SLC44A2: variants seen among roughly 807,000 people sequenced by gnomAD.
SLC44A2 encodes the protein solute carrier family 44 member 2 (CTL2 blood group), also known as choline transporter-like protein 2.
Under a neutral mutation model 90.8 loss-of-function variants are expected in SLC44A2, and 57 were observed. That is an observed-to-expected ratio of 0.63 (90% CI 0.51 to 0.78). SLC44A2 has a LOEUF of 0.78. Ranked by LOEUF, SLC44A2 falls within the 30% of genes least tolerant of loss-of-function variation. The probability of loss-of-function intolerance (pLI) is 0.00; values close to 1 mark genes in which losing one functional copy is unlikely to be tolerated. For synonymous variants in SLC44A2, 355 were observed against 360.7 expected, an observed-to-expected ratio of 0.98 and a Z score of 0.18; for missense variants, 794 against 919.7, an observed-to-expected ratio of 0.86 and a Z score of 1.77.
intron 1 of SLC44A2, among the ~76,000 whole-genome samples, chr19:10,614,549 T>C (rs528618616): frequency 1.3e-5 from 2 of 152,264 alleles, no homozygotes; most frequent in East Asian, 1.9e-4. Context: ...TAACTGCATA[T>C]AAGTCCCCCA....
intron 10 of SLC44A2, among the ~76,000 whole-genome samples, chr19:10,632,398 T>C (rs1001530807): frequency 2.0e-5 from 3 of 151,736 alleles, no homozygotes; most frequent in Non-Finnish European, 4.4e-5. Context: ...CAGCCGGGCA[T>C]GGAGGTGCAT....
At chr19:10,634,623 G>C in intron 10 of SLC44A2, 133 bp from the exon 11 acceptor site, 1 of 1,239,180 alleles carries the variant, frequency 8.1e-7, no homozygotes, top group East Asian at 2.4e-5. Context: ...TGCACCGGGC[G>C]GTGGGAACTG....
rs114019986 is a variant in SLC44A2 at position 10,628,416 on chromosome 19, G to A, written c.245+412G>A. ...AAACAAGCAAAAATTAAGTGGACGT[G>A]GTGGGGCACACCTCTAGTCCCAGCT... On this transcript the variant is annotated intron_variant, in intron 4 of 21. Coordinates refer to ENST00000335757, the MANE Select transcript of SLC44A2 (RefSeq NM_020428.4). 2.9e-3 allele frequency among the ~76,000 whole-genome samples: 442 copies of A among 152,210 alleles called. 3 individuals carry two copies. Among genetic ancestry groups the A allele is most frequent in the African/African-American group, 9.9e-3 (413 of 41,548 alleles).
At position 10,643,065 on chromosome 19, in the gene SLC44A2, T is replaced by C. The variant is rs761692779; in HGVS notation, c.2015-214T>C. The C allele has an allele frequency of 5.7e-6, 8 of 1,393,232 alleles. No individual in the cohort carries two copies. The Admixed American group carries it at 2.2e-4, about 38-fold the overall frequency. The allele number at this position is 1,393,232 out of a possible 1,614,324, so 86.3% of individuals were successfully genotyped here. ...GGGGCCAGGTTTCCTCCATGTAGAC[T>C]GGGGGTGCATGAAGCGGGGGGGTTC... On this transcript the variant is annotated intron_variant, in intron 21 of 21. Transcript: ENST00000335757.
At chr19:10,629,899 GCC>G (rs2066975867) in intron 4 of SLC44A2, among the ~76,000 whole-genome samples, 1 of 151,680 alleles carries the variant, frequency 6.6e-6, no homozygotes, top group Admixed American at 6.6e-5. Flanking sequence ...GATTACAGGT[GCC>G]CGCCACCACA....
At position 10,635,275 on chromosome 19, in the gene SLC44A2, G is replaced by C; in HGVS notation, c.1148+20G>C. On this transcript the variant is annotated intron_variant, in intron 13 of 21. Coordinates refer to ENST00000335757, the MANE Select transcript of SLC44A2 (RefSeq NM_020428.4). Reference sequence around the variant, plus strand: ...TGCTGTGTATCTGCCCCCAGACACTGATCTCTGACCCCAGGGATGGCTAAA... The same window carrying C: ...TGCTGTGTATCTGCCCCCAGACACTCATCTCTGACCCCAGGGATGGCTAAA... 6.2e-7 allele frequency: 1 copy of C among 1,613,590 alleles called. No homozygotes were observed. Among genetic ancestry groups the C allele is most frequent in the South Asian group, 1.1e-5 (1 of 91,062 alleles).
At position 10,607,789 on chromosome 19, in the gene SLC44A2, A is replaced by G. The variant is rs1277215235; in HGVS notation, c.31+5228A>G. Among the ~76,000 whole-genome samples the G allele has an allele frequency of 2.0e-5, 3 of 146,462 alleles. 1 individual carries two copies. The highest frequency in any genetic ancestry group is 4.5e-5 in the Non-Finnish European group (3 of 66,900). On this transcript the variant is annotated intron_variant, in intron 1 of 21. Transcript: ENST00000407327. ...GAGACGGAGTCTCACTCTGTCGCTC[A>G]GGCTGGAGTGCAGTGGCGTGATCTC...
intron 4 of SLC44A2, 99 bp from the exon 5 acceptor site, chr19:10,630,958 T>G: frequency 1.1e-6 from 1 of 910,268 alleles, no homozygotes; most frequent in South Asian, 1.5e-5. Flanking sequence ...TGAGCCGAGA[T>G]CACACCATTG....
chr19:10,610,392 C>G (rs1483648347), intron 1 of SLC44A2, among the ~76,000 whole-genome samples: 3 of 144,252 alleles, frequency 2.1e-5, no homozygotes, highest in Admixed American at 7.1e-5. Context: ...AGTGCAGTGA[C>G]GTGATCTCGG....
chr19:10,614,041 C>T (rs2066835866), intron 1 of SLC44A2, among the ~76,000 whole-genome samples: 1 of 152,068 alleles, frequency 6.6e-6, no homozygotes, highest in East Asian at 1.9e-4. Context: ...TCTTGGCTCA[C>T]TGCAACCTCT....
Position 10,631,770 on chromosome 19 carries a change from C to T in SLC44A2, c.626+21C>T, listed in dbSNP as rs560795174. 30 of 1,614,076 alleles carry T rather than the reference C, an allele frequency of 1.9e-5. No homozygotes were observed. In the East Asian group the frequency reaches 2.7e-4, roughly 14 times the overall value. ...GCCAAGTGAGGATATTGGCGCACCG[C>T]GCCAGGGTCTCACTTTGCTGGGTGG... is the stretch of plus-strand genomic sequence containing the variant. On this transcript the variant is annotated intron_variant, in intron 8 of 21. Transcript: ENST00000335757.
intron 1 of SLC44A2, among the ~76,000 whole-genome samples, chr19:10,609,724 C>G (rs749431219): frequency 9.9e-5 from 15 of 152,102 alleles, no homozygotes; most frequent in Non-Finnish European, 1.9e-4. Context: ...CTCAGCCTCT[C>G]AAGGTACTGA....
At chr19:10,623,270 C>T (rs114344947), upstream of SLC44A2, among the ~76,000 whole-genome samples, 636 of 152,212 alleles carry the variant, frequency 4.2e-3, 5 homozygotes, top group African/African-American at 0.015. Context: ...GGTGTTTAGA[C>T]AGGGCCCCTC....
At chr19:10,610,978 G>A (rs1235908240) in intron 1 of SLC44A2, among the ~76,000 whole-genome samples, 1 of 151,460 alleles carries the variant, frequency 6.6e-6, no homozygotes, top group Non-Finnish European at 1.5e-5. Flanking sequence ...GATCCCCAAG[G>A]TGAACATGAT....
intron 11 of SLC44A2, 29 bp downstream of exon 11, chr19:10,634,916 C>T (rs550829170): frequency 9.3e-6 from 15 of 1,614,210 alleles, no homozygotes; most frequent in Admixed American, 1.7e-5. Context: ...TTCCTGCCCC[C>T]ACATGAGGCC....
intron 20 of SLC44A2, among the ~76,000 whole-genome samples, chr19:10,639,334 C>T (rs1375511125): frequency 6.6e-6 from 1 of 152,174 alleles, no homozygotes; most frequent in Non-Finnish European, 1.5e-5. Context: ...AGATACTCCT[C>T]CATAATGATA....
chr19:10,610,280 A>C (rs1003270146), intron 1 of SLC44A2, among the ~76,000 whole-genome samples: 1 of 151,820 alleles, frequency 6.6e-6, no homozygotes, highest in African/African-American at 2.4e-5. Context: ...CCTTAACAGA[A>C]AACATTTGCA....
Position 10,631,730 on chromosome 19 carries a change from G to A in SLC44A2, c.607G>A (p.Asp203Asn). ...DGHGSRKNIT[D>N]LVEGAKKANG... ...GCATGGCTCCCGGAAAAACATCACA[G>A]ACCTGGTGGAGGGCGCCAAGTGAGG... The change falls in exon 8 of 22, where the codon GAC becomes AAC. Residue 203 changes from aspartate (D) to asparagine (N), a missense_variant. This residue lies in a region of SLC44A2 where 738 missense variants were observed against 841.1 expected (regional missense o/e 0.88). Transcript: ENST00000335757. The A allele has an allele frequency of 1.2e-6, 2 of 1,613,274 alleles. No homozygotes were observed. Among genetic ancestry groups the A allele is most frequent in the Non-Finnish European group, 1.7e-6 (2 of 1,180,040 alleles).
upstream of SLC44A2, among the ~76,000 whole-genome samples, chr19:10,623,883 T>C (rs2066909635): frequency 6.6e-6 from 1 of 151,882 alleles, no homozygotes; most frequent in Non-Finnish European, 1.5e-5. Flanking sequence ...ACAGACAGGG[T>C]TTTGCCTTGT....
Sources: allele counts gnomAD v4.1 joint callset (sites outside exome capture counted in the v4.1 genomes callset), GRCh38; gene constraint gnomAD v4.1.1; regional missense constraint gnomAD v4.1.1; transcripts MANE v1.5; gene names NCBI Gene and HGNC (gene_info 2026-07-23, HGNC 2026-07-21).